Variants in HPSE2 observed in about 807,000 individuals in gnomAD.
HPSE2 encodes the protein inactive heparanase-2.
HPSE2 carries 38 observed loss-of-function variants against 60.5 expected under a neutral mutation model. The observed-to-expected ratio is 0.63, with a 90% CI of 0.48 to 0.82. HPSE2 has a LOEUF of 0.82. HPSE2 is among the 40% of genes least tolerant of loss of function. HPSE2 has a pLI of 0.00. For missense variants in HPSE2, 713 were observed against 740.4 expected (o/e 0.96, Z 0.43); for synonymous variants, 295 against 293.2 (o/e 1.01, Z -0.06).
At chr10:98,751,766 G>C (rs1949763450) in intron 3 of HPSE2, among the ~76,000 whole-genome samples, 1 of 152,172 alleles carries the variant, frequency 6.6e-6, no homozygotes, top group African/African-American at 2.4e-5. Flanking sequence ...AGTTCCCCAA[G>C]GGGGAAAAAC....
chr10:98,821,192 C>T (rs577353452), intron 3 of HPSE2, among the ~76,000 whole-genome samples: 2 of 152,262 alleles, frequency 1.3e-5, no homozygotes, highest in Middle Eastern at 3.4e-3. Flanking sequence ...TACAGACATG[C>T]ATCTCTTAAG....
At chr10:99,232,639 G>C in intron 1 of HPSE2, 134 bp from the exon 2 acceptor site, 2 of 1,029,392 alleles carry the variant, frequency 1.9e-6, no homozygotes, top group Non-Finnish European at 2.9e-6. Context: ...TGCCCCAGCC[G>C]GCAGTCCACG....
chr10:98,937,984 G>C (rs1411816581), intron 3 of HPSE2, among the ~76,000 whole-genome samples: 2 of 143,462 alleles, frequency 1.4e-5, no homozygotes, highest in Non-Finnish European at 3.0e-5. Context: ...AACAGGGTCT[G>C]GAGTGGACCT....
chr10:98,913,572 G>C (rs1590066452), intron 3 of HPSE2, among the ~76,000 whole-genome samples: 1 of 152,002 alleles, frequency 6.6e-6, no homozygotes, highest in East Asian at 1.9e-4. Context: ...CTAACTTTTG[G>C]GCTCCTTCCG....
chr10:98,884,197 G>A (rs961915894), intron 3 of HPSE2, among the ~76,000 whole-genome samples: 1 of 152,256 alleles, frequency 6.6e-6, no homozygotes, highest in South Asian at 2.1e-4. Context: ...AGGTGAGGAA[G>A]CTGCTGAAGA....
At chr10:98,976,755 T>C (rs1183690361) in intron 3 of HPSE2, among the ~76,000 whole-genome samples, 1 of 151,476 alleles carries the variant, frequency 6.6e-6, no homozygotes, top group Non-Finnish European at 1.5e-5. Flanking sequence ...AAAAAGTCAT[T>C]CAAAATATCC....
chr10:98,792,531 G>A (rs1950677898), intron 3 of HPSE2, among the ~76,000 whole-genome samples: 1 of 151,976 alleles, frequency 6.6e-6, no homozygotes, highest in Non-Finnish European at 1.5e-5. Context: ...AAAGAATAAA[G>A]GGTATTTTTG....
chr10:98,658,700 A>T (rs967944234), intron 6 of HPSE2, among the ~76,000 whole-genome samples: 2 of 152,160 alleles, frequency 1.3e-5, no homozygotes, highest in African/African-American at 4.8e-5. Context: ...TAAGGTATGG[A>T]TTAAGCAAAA....
intron 2 of HPSE2, among the ~76,000 whole-genome samples, chr10:99,181,899 GATTAGGAT>G (rs938094668): frequency 6.6e-6 from 1 of 151,934 alleles, no homozygotes; most frequent in African/African-American, 2.4e-5. Context: ...AGAAGAGGGA[GATTAGGAT>G]ATACAAAGAG....
chr10:98,567,285 G>A (rs1316403860), intron 9 of HPSE2, among the ~76,000 whole-genome samples: 1 of 152,218 alleles, frequency 6.6e-6, no homozygotes, highest in African/African-American at 2.4e-5. Context: ...GAACCAGATG[G>A]TTGGGTGAAC....
chr10:98,891,073 G>T (rs1233505907), intron 3 of HPSE2, among the ~76,000 whole-genome samples: 2 of 152,024 alleles, frequency 1.3e-5, no homozygotes, highest in Non-Finnish European at 2.9e-5. Flanking sequence ...TATAAAACCT[G>T]CTCCCTTCAA....
At chr10:98,974,574 C>T (rs1246318594) in intron 3 of HPSE2, among the ~76,000 whole-genome samples, 1 of 152,062 alleles carries the variant, frequency 6.6e-6, no homozygotes, top group African/African-American at 2.4e-5. Flanking sequence ...CCTAGTTTTG[C>T]TTTTAATTAT....
intron 2 of HPSE2, among the ~76,000 whole-genome samples, chr10:99,199,787 G>C (rs1480418260): frequency 6.6e-6 from 1 of 152,040 alleles, no homozygotes; most frequent in Non-Finnish European, 1.5e-5. Flanking sequence ...TGGATTTTTT[G>C]AATTGTTTTC....
intron 3 of HPSE2, among the ~76,000 whole-genome samples, chr10:99,008,294 G>T (rs779133088): frequency 6.6e-6 from 1 of 152,132 alleles, no homozygotes; most frequent in Non-Finnish European, 1.5e-5. Context: ...AAAGCCTTCT[G>T]GTTTTAATAA....
At chr10:98,622,509 T>C (rs1328556226) in intron 7 of HPSE2, among the ~76,000 whole-genome samples, 2 of 152,186 alleles carry the variant, frequency 1.3e-5, no homozygotes, top group African/African-American at 2.4e-5. Flanking sequence ...TACATAGACA[T>C]CAACAATCAA....
At chr10:99,217,248 GTT>G (rs1241599473) in intron 2 of HPSE2, among the ~76,000 whole-genome samples, 1 of 147,788 alleles carries the variant, frequency 6.8e-6, no homozygotes, top group Admixed American at 6.7e-5. Flanking sequence ...CCTCCTCCTG[GTT>G]CCCGGGCCAG....
At chr10:99,037,105 A>G (rs971546356) in intron 3 of HPSE2, among the ~76,000 whole-genome samples, 2 of 152,168 alleles carry the variant, frequency 1.3e-5, no homozygotes, top group African/African-American at 4.8e-5. Context: ...AAACATAGGA[A>G]AACACTAGAC....
intron 3 of HPSE2, among the ~76,000 whole-genome samples, chr10:98,763,590 T>C (rs1374038031): frequency 6.6e-6 from 1 of 152,082 alleles, no homozygotes; most frequent in Non-Finnish European, 1.5e-5. Context: ...AAAAGACTCT[T>C]TTCCTCACTT....
chr10:98,966,428 C>T (rs188121991), intron 3 of HPSE2, among the ~76,000 whole-genome samples: 60 of 152,276 alleles, frequency 3.9e-4, no homozygotes, highest in African/African-American at 1.4e-3. Context: ...GCAGTTCCTT[C>T]CCCTAAGCAT....
Sources: allele counts gnomAD v4.1 joint callset (sites outside exome capture counted in the v4.1 genomes callset), GRCh38; gene constraint gnomAD v4.1.1; transcripts MANE v1.5; gene names NCBI Gene and HGNC (gene_info 2026-07-23, HGNC 2026-07-21).